The following CCNG2 variants were observed in gnomAD, a reference collection of about 807,000 sequenced individuals.
CCNG2 encodes cyclin G2, also known as cyclin-G2.
A neutral mutation model predicts 36.5 loss-of-function variants in CCNG2; 20 were observed. That is an observed-to-expected ratio of 0.55 (90% CI 0.39 to 0.80). CCNG2 has a LOEUF of 0.80. Among genes scored for constraint, CCNG2 ranks in the 30% least tolerant of loss-of-function variants. The pLI is 0.00. For missense variants in CCNG2, 358 were observed against 390.8 expected (o/e 0.92, Z 0.71); for synonymous variants, 155 against 140.1 (o/e 1.11, Z -0.75).
chr4:77,158,838 C>G (rs1216648719), intron 2 of CCNG2, among the ~76,000 whole-genome samples, 168 bp downstream of exon 2: 1 of 152,130 alleles, frequency 6.6e-6, no homozygotes, highest in Non-Finnish European at 1.5e-5. Context: ...TGTTTCTTAG[C>G]AAGAATGAGA....
In CCNG2 at chr4:77,161,393, C is replaced by T. The variant is rs559353274; in HGVS notation, c.528-87C>T. ...GTGGGATTACAGGCGTGAGACACCGCGTCTGGCCCTGGCAAATATTTAAAA... is the reference window on the plus strand; with the variant it reads ...GTGGGATTACAGGCGTGAGACACCGTGTCTGGCCCTGGCAAATATTTAAAA... On this transcript the variant is annotated intron_variant, in intron 4 of 7. Coordinates refer to ENST00000316355, the MANE Select transcript of CCNG2 (RefSeq NM_004354.3). 40 of 1,036,630 alleles carry T rather than the reference C, an allele frequency of 3.9e-5. No homozygotes were observed. In the African/African-American group the frequency reaches 4.8e-4, roughly 13 times the overall value. 64.2% of individuals were successfully genotyped at this position (1,036,630 alleles called of 1,614,324 possible).
intron 6 of CCNG2, 140 bp downstream of exon 6, chr4:77,161,887 GT>G (rs869067179): frequency 4.9e-6 from 3 of 611,154 alleles, no homozygotes; most frequent in Non-Finnish European, 8.5e-6. Flanking sequence ...TAGTGTTAAA[GT>G]TCTCAAAATG....
intron 3 of CCNG2, 38 bp downstream of exon 3, chr4:77,159,542 T>A (rs373480919): frequency 6.3e-7 from 1 of 1,599,922 alleles, no homozygotes. Context: ...TTCCTTTTTC[T>A]ATGCCCAGTG....
At chr4:77,158,455 C>T in intron 1 of CCNG2, 78 bp from the exon 2 acceptor site, 1 of 1,452,084 alleles carries the variant, frequency 6.9e-7, no homozygotes, top group Non-Finnish European at 9.6e-7. Context: ...GCTGGAGGTA[C>T]TGGCCTCAGC....
chr4:77,161,760 A>G lies in CCNG2; in HGVS notation c.705+13A>G. The G allele has an allele frequency of 6.5e-7, 1 of 1,540,414 alleles. No homozygotes were observed. The highest frequency in any genetic ancestry group is 8.8e-7 in the Non-Finnish European group (1 of 1,132,708). The stretch of plus-strand genomic sequence containing the variant: ...AAAACATTCCAAGGTAATTACAGTC[A>G]TTATTCTTTAAGGCAAATTTTTTTC... On this transcript the variant is annotated intron_variant, in intron 6 of 7. Coordinates refer to ENST00000316355, the MANE Select transcript of CCNG2 (RefSeq NM_004354.3).
At chr4:77,161,035 G>C (rs1731420842) in intron 4 of CCNG2, 64 bp downstream of exon 4, 3 of 1,162,578 alleles carry the variant, frequency 2.6e-6, no homozygotes, top group African/African-American at 3.2e-5. Flanking sequence ...TAAATAATTG[G>C]AATGGCAATG....
rs759569928 is a variant in CCNG2 at position 77,164,278 on chromosome 4, A to G, written c.710A>G (p.Asn237Ser). 1.1e-5 allele frequency: 17 copies of G among 1,612,448 alleles called. No homozygotes were observed. In the East Asian group the frequency reaches 2.9e-4, roughly 27 times the overall value. The part of the protein sequence containing the change: ...LLLVKKHSKI[N>S]DTEFFYWREL... ...CTTAAAATATTTTTTTTTCAGATTA[A>G]TGACACTGAGTTCTTCTACTGGAGA... Residue 237 changes from asparagine (N) to serine (S), a missense_variant, in exon 7 of 8, where the codon AAT becomes AGT. By Grantham distance (46) the Asn-to-Ser change is conservative (BLOSUM62 1). Transcript: ENST00000316355.
chr4:77,161,847 C>G (rs187867524), intron 6 of CCNG2, 100 bp downstream of exon 6: 1 of 694,646 alleles, frequency 1.4e-6, no homozygotes, highest in East Asian at 2.6e-5. Flanking sequence ...GGACTCTTAA[C>G]TTTTACACTT....
rs1190392367 is a variant in CCNG2, at chr4:77,165,828, T to C, written c.939T>C (p.Cys313=). The C allele has an allele frequency of 2.5e-6, 4 of 1,606,762 alleles. No homozygotes were observed. The highest frequency in any genetic ancestry group is 1.3e-5 in the African/African-American group (1 of 74,464). Residue 313 remains cysteine (C), a synonymous_variant, in exon 8 of 8, where the codon TGT becomes TGC. Coordinates refer to ENST00000316355, the MANE Select transcript of CCNG2 (RefSeq NM_004354.3). ...ESEDSCEDMS[C]GEESLSSSPP... The stretch of plus-strand genomic sequence containing the variant: ...AGGACTCTTGTGAAGATATGAGTTG[T>C]GGAGAGGAGAGTCTCAGCAGCTCTC...
intron 1 of CCNG2, 136 bp from the exon 2 acceptor site, chr4:77,158,397 A>C: frequency 1.3e-6 from 1 of 795,784 alleles, no homozygotes; most frequent in Non-Finnish European, 2.1e-6. Context: ...GGCGGACGTG[A>C]CTGGTCCCTT....
chr4:77,161,064 T>G (rs1280713325), intron 4 of CCNG2, 93 bp downstream of exon 4: 1 of 942,556 alleles, frequency 1.1e-6, no homozygotes, highest in East Asian at 2.6e-5. Flanking sequence ...ATTTTTACCT[T>G]CTTCAAACTT....
rs1035652286 is a variant in CCNG2 at position 77,161,738 on chromosome 4, A to G, written c.696A>G (p.Lys232=). Residue 232 remains lysine, a synonymous_variant, in exon 6 of 8, where the codon AAA becomes AAG. Coordinates refer to ENST00000316355, the MANE Select transcript of CCNG2 (RefSeq NM_004354.3). ...TGGAAATTCTCTTGCTAGTTAAAAA[A>G]CATTCCAAGGTAATTACAGTCATTA... ...ELLEILLLVK[K]HSKINDTEFF... The G allele has an allele frequency of 5.0e-6, 8 of 1,592,464 alleles. No individual in the cohort carries two copies. The highest frequency in any genetic ancestry group is 5.1e-6 in the Non-Finnish European group (6 of 1,170,118).
intron 1 of CCNG2, chr4:77,158,203 T>A: frequency 3.2e-6 from 1 of 309,456 alleles, no homozygotes; most frequent in Non-Finnish European, 6.1e-6. Context: ...CAGAAGGCCC[T>A]CCCTGGCGCG....
At chr4:77,158,280 AGAGGCCAG>A (rs963772154) in intron 1 of CCNG2, 4 of 469,034 alleles carry the variant, frequency 8.5e-6, no homozygotes, top group Non-Finnish European at 1.5e-5. Context: ...TGAAACGCCA[AGAGGCCAG>A]GGCTGGCCGG....
chr4:77,161,692 C>G lies in CCNG2; in HGVS notation c.650C>G (p.Thr217Ser), dbSNP rs775997943. 1.2e-6 allele frequency: 2 copies of G among 1,610,308 alleles called. No homozygotes were observed. The highest frequency in any genetic ancestry group is 4.5e-5 in the East Asian group (2 of 44,798). ...ALCLLNLEVE[T>S]LKSVELLEIL... The stretch of plus-strand genomic sequence containing the variant: ...TGCCTTCTCAATTTGGAAGTGGAAA[C>G]TTTGAAATCTGTTGAATTACTGGAA... Residue 217 changes from threonine to serine, a missense_variant, in exon 6 of 8, where the codon ACT (threonine) becomes AGT (serine). Coordinates refer to ENST00000316355, the MANE Select transcript of CCNG2 (RefSeq NM_004354.3).
At chr4:77,158,754 T>A (rs981273956) in intron 2 of CCNG2, 84 bp downstream of exon 2, 41 of 1,411,932 alleles carry the variant, frequency 2.9e-5, no homozygotes, top group Middle Eastern at 1.8e-4. Flanking sequence ...GAATCATGAC[T>A]AAAGCCTGCA....
In CCNG2 at chr4:77,167,512, A is replaced by C. The variant is rs1281213070; in HGVS notation, c.*1588A>C. Reference sequence around the variant, plus strand: ...AGTAGAACAGAATGCTCAGGTTGGCAGATTAGAACGATCTTTCAGGAGACA... The same window carrying C: ...AGTAGAACAGAATGCTCAGGTTGGCCGATTAGAACGATCTTTCAGGAGACA... On this transcript the variant is annotated 3_prime_UTR_variant, in exon 8 of 8. Coordinates refer to ENST00000316355, the MANE Select transcript of CCNG2 (RefSeq NM_004354.3). The C allele has an allele frequency of 1.3e-5, 2 of 152,354 alleles. No homozygotes were observed. The highest frequency in any genetic ancestry group is 4.8e-5 in the African/African-American group (2 of 41,570). The allele number at this position is 152,354 out of a possible 1,614,324, so 9.4% of individuals were successfully genotyped here.
At chr4:77,159,246 A>AT in intron 2 of CCNG2, 121 bp from the exon 3 acceptor site, 1 of 829,524 alleles carries the variant, frequency 1.2e-6, no homozygotes, top group Non-Finnish European at 1.9e-6. Flanking sequence ...ATTCTTGAAG[A>AT]TTGAGGGAAA....
chr4:77,161,099 CTTTTTTTTT>C (rs34505988), intron 4 of CCNG2, 128 bp downstream of exon 4: 1 of 304,558 alleles, frequency 3.3e-6, no homozygotes. Flanking sequence ...ATTGGTAAAT[CTTTTTTTTT>C]TTTTTTTTTT....
Sources: gnomAD v4.1 joint callset for allele counts (sites outside exome capture counted in the v4.1 genomes callset) on GRCh38, gnomAD v4.1.1 for gene constraint, MANE v1.5 for transcripts, NCBI Gene and HGNC (gene_info 2026-07-23, HGNC 2026-07-21) for gene names.